Variants in PPFIA1 observed in about 807,000 individuals in gnomAD.
The protein encoded by PPFIA1 is PPFI scaffold protein A1.
Under a neutral mutation model 149.9 loss-of-function variants are expected in PPFIA1, and 25 were observed. The ratio of observed to expected loss-of-function variants is 0.17; its 90% CI spans 0.12 to 0.23. PPFIA1 has a LOEUF of 0.23. PPFIA1 is among the 10% of genes least tolerant of loss of function. The pLI, the probability that PPFIA1 is intolerant of heterozygous loss-of-function variation, is 1.00. For synonymous variants in PPFIA1, 549 were observed against 552.8 expected, an observed-to-expected ratio of 0.99 and a Z score of 0.10; for missense variants, 1,362 against 1,506.5, an observed-to-expected ratio of 0.90 and a Z score of 1.59.
chr11:70,274,062 A>G (rs1453837701), intron 2 of PPFIA1, among the ~76,000 whole-genome samples: 2 of 152,170 alleles, frequency 1.3e-5, no homozygotes, highest in Non-Finnish European at 2.9e-5. Flanking sequence ...AGTTCAGTGG[A>G]TAACATGATG....
Position 70,372,248 on chromosome 11 carries a change from A to C in PPFIA1, c.2899A>C (p.Ile967Leu). 1.2e-6 allele frequency: 2 copies of C among 1,614,184 alleles called. No homozygotes were observed. The highest frequency in any genetic ancestry group is 1.7e-6 in the Non-Finnish European group (2 of 1,180,028). Residue 967 changes from isoleucine (I) to leucine (L), a missense_variant, in exon 22 of 28, where the codon ATC becomes CTC. Physicochemically the swap from Ile to Leu is conservative, Grantham distance 5. Coordinates refer to ENST00000253925, the MANE Select transcript of PPFIA1 (RefSeq NM_003626.5). Reference sequence around the variant, plus strand: ...CTATGGGGACATGAACCACGAGTGGATCGGCAACGAGTGGCTCCCCAGCCT... The same window carrying C: ...CTATGGGGACATGAACCACGAGTGGCTCGGCAACGAGTGGCTCCCCAGCCT... ...LAYGDMNHEW[I>L]GNEWLPSLGL...
Position 70,382,112 on chromosome 11 carries a change from T to TG in PPFIA1, c.3577dup (p.Asp1193GlyfsTer24), listed in dbSNP as rs1225127044. ...GGCAATGTATCAGGAACACAGAGGT[T>TG]GGATTCTGCTACAGTCAGGACTTAC... On this transcript the variant is annotated frameshift_variant, in exon 27 of 28. Coordinates refer to ENST00000253925, the MANE Select transcript of PPFIA1 (RefSeq NM_003626.5). LOFTEE classifies it high-confidence loss of function. 1.2e-6 allele frequency: 2 copies of TG among 1,613,974 alleles called. No individual in the cohort carries two copies. The highest frequency in any genetic ancestry group is 1.7e-6 in the Non-Finnish European group (2 of 1,180,002).
At chr11:70,346,185 C>T (rs2055693484) in intron 15 of PPFIA1, among the ~76,000 whole-genome samples, 1 of 152,198 alleles carries the variant, frequency 6.6e-6, no homozygotes, top group Non-Finnish European at 1.5e-5. Context: ...AGGGACACAG[C>T]AGTGTGACCA....
intron 2 of PPFIA1, among the ~76,000 whole-genome samples, chr11:70,288,304 T>G (rs2051292186): frequency 6.6e-6 from 1 of 152,028 alleles, no homozygotes; most frequent in Non-Finnish European, 1.5e-5. Context: ...ACTCCTGGTG[T>G]TGTGATCTGC....
chr11:70,376,726 G>GTT, intron 25 of PPFIA1, 126 bp downstream of exon 25: 1 of 857,160 alleles, frequency 1.2e-6, no homozygotes, highest in African/African-American at 1.7e-5. Flanking sequence ...CTCTCTGGAT[G>GTT]TTAGAAGTCA....
At chr11:70,340,508 C>T (rs3900797) in intron 14 of PPFIA1, among the ~76,000 whole-genome samples, 33,289 of 152,112 alleles carry the variant, frequency 0.22, 5,554 homozygotes, top group African/African-American at 0.46. Flanking sequence ...CACCTTTGAA[C>T]GTTTACCTTC....
intron 27 of PPFIA1, among the ~76,000 whole-genome samples, chr11:70,382,560 C>T (rs1033116609): frequency 1.1e-4 from 17 of 152,062 alleles, no homozygotes; most frequent in African/African-American, 3.9e-4. Context: ...TTTAAATACA[C>T]ATTCTTGAAT....
intron 15 of PPFIA1, among the ~76,000 whole-genome samples, chr11:70,347,306 A>C (rs1202923610): frequency 6.6e-6 from 1 of 152,224 alleles, no homozygotes; most frequent in African/African-American, 2.4e-5. Context: ...CCTTCTCCAG[A>C]ATTTTTGTGT....
chr11:70,346,308 T>C (rs1591296183), intron 15 of PPFIA1, among the ~76,000 whole-genome samples: 1 of 151,788 alleles, frequency 6.6e-6, no homozygotes, highest in East Asian at 1.9e-4. Context: ...CTGGGTGGGG[T>C]GCTGCCACGA....
chr11:70,329,421 A>G (rs1474376320), intron 7 of PPFIA1, among the ~76,000 whole-genome samples: 2 of 152,170 alleles, frequency 1.3e-5, no homozygotes, highest in African/African-American at 2.4e-5. Context: ...TGACATCTTC[A>G]TCAATTTAAT....
At chr11:70,329,595 T>G (rs1314506238) in intron 7 of PPFIA1, among the ~76,000 whole-genome samples, 1 of 152,122 alleles carries the variant, frequency 6.6e-6, no homozygotes, top group Non-Finnish European at 1.5e-5. Context: ...TACAGGGGCG[T>G]GCCACCATGC....
At chr11:70,321,400 A>C (rs2053933353) in intron 2 of PPFIA1, 1 of 152,254 alleles carries the variant, frequency 6.6e-6, no homozygotes, top group Non-Finnish European at 1.5e-5. Flanking sequence ...GATGAGCCCG[A>C]GACCCCAATT....
intron 2 of PPFIA1, among the ~76,000 whole-genome samples, chr11:70,303,032 A>G (rs2052591943): frequency 1.3e-5 from 2 of 152,194 alleles, no homozygotes; most frequent in Non-Finnish European, 2.9e-5. Context: ...AGACCATGTC[A>G]CAGGCTGAAA....
chr11:70,360,017 C>T (rs1012022450), intron 19 of PPFIA1, among the ~76,000 whole-genome samples: 2 of 152,232 alleles, frequency 1.3e-5, no homozygotes, highest in African/African-American at 2.4e-5. Flanking sequence ...GGCATGGTCC[C>T]ATGTTTGGTC....
chr11:70,313,984 C>T (rs1229636423), intron 2 of PPFIA1, among the ~76,000 whole-genome samples: 1 of 152,190 alleles, frequency 6.6e-6, no homozygotes, highest in African/African-American at 2.4e-5. Flanking sequence ...CCCCACTGCA[C>T]TCCAGCCTGG....
chr11:70,318,860 C>T (rs2053779216), intron 2 of PPFIA1, among the ~76,000 whole-genome samples: 1 of 152,212 alleles, frequency 6.6e-6, no homozygotes, highest in Non-Finnish European at 1.5e-5. Flanking sequence ...TCCTCCTCAT[C>T]CCTGATTGCT....
In PPFIA1 at chr11:70,339,254, T is replaced by G. The variant is rs1459041003; in HGVS notation, c.1655T>G (p.Leu552Arg). The G allele has an allele frequency of 2.5e-6, 4 of 1,614,010 alleles. No individual in the cohort carries two copies. The African/African-American group carries it at 4.0e-5, about 16-fold the overall frequency. ...HTDSYSTSAV[L>R]RRPQKGRLAA... The stretch of plus-strand genomic sequence containing the variant: ...GACTCCTACAGCACCAGTGCAGTGC[T>G]GCGGCGCCCACAGAAAGGCCGGCTG... The change falls in exon 14 of 28, where the codon CTG becomes CGG. Residue 552 changes from leucine to arginine, a missense_variant. By Grantham distance (102) the Leu-to-Arg change is moderately radical. Around this residue, in one of 7 missense-constraint regions of PPFIA1, gnomAD observed 733 missense variants for 744.1 expected, o/e 0.99. Transcript: ENST00000253925.
intron 16 of PPFIA1, 97 bp from the exon 17 acceptor site, chr11:70,354,204 A>G (rs1199012706): frequency 4.6e-6 from 6 of 1,302,840 alleles, no homozygotes; most frequent in Non-Finnish European, 6.4e-6. Context: ...CAGAAAGCAC[A>G]GCAAATCGAT....
intron 11 of PPFIA1, among the ~76,000 whole-genome samples, 155 bp from the exon 12 acceptor site, chr11:70,337,209 CA>C (rs2055033806): frequency 6.6e-6 from 1 of 151,892 alleles, no homozygotes. Flanking sequence ...GTCGCCGCCT[CA>C]CGGTCTAACC....
Sources: gnomAD v4.1 joint callset for allele counts (sites outside exome capture counted in the v4.1 genomes callset) on GRCh38, gnomAD v4.1.1 for gene constraint, gnomAD v4.1.1 regional missense constraint, MANE v1.5 for transcripts, NCBI Gene and HGNC (gene_info 2026-07-23, HGNC 2026-07-21) for gene names.